RP9: variants seen among roughly 807,000 people sequenced by gnomAD.
RP9 encodes retinitis pigmentosa 9 protein.
RP9 carries 23 observed loss-of-function variants against 32.6 expected under a neutral mutation model. That is an observed-to-expected ratio of 0.71 (90% CI 0.51 to 1.00). The LOEUF (loss-of-function observed/expected upper bound fraction) is 1.00, where lower values mean the gene tolerates loss of function less well. RP9 is among the 50% of genes least tolerant of loss of function. The pLI is 0.00. For missense variants in RP9, 245 were observed against 285.3 expected, an observed-to-expected ratio of 0.86 and a Z score of 1.02; for synonymous variants, 94 against 103.6, an observed-to-expected ratio of 0.91 and a Z score of 0.56.
At position 33,095,354 on chromosome 7, in the gene RP9, T is replaced by C; in HGVS notation, c.546A>G (p.Lys182=). ...DRSSSSSSEG[K]EKHKKKKKKE... ...TCTTCTTCTTTTTCTTGTGTTTCTC[T>C]TTACCTTCAGAGGAACTGGAGCTGC... The change falls in exon 6 of 6, where the codon AAA becomes AAG. Residue 182 remains lysine (K), a synonymous_variant. Transcript: ENST00000297157. 6.2e-7 allele frequency: 1 copy of C among 1,613,800 alleles called. No homozygotes were observed. The highest frequency in any genetic ancestry group is 1.1e-5 in the South Asian group (1 of 90,990).
intron 4 of RP9, among the ~76,000 whole-genome samples, chr7:33,096,902 GTTTAAAGACATGTACTC>G (rs1788344809): frequency 6.6e-6 from 1 of 152,056 alleles, no homozygotes; most frequent in Non-Finnish European, 1.5e-5. Flanking sequence ...TAATCTTACA[GTTTAAAGACATGTACTC>G]TTTAAAGACC....
chr7:33,109,214 G>T lies in RP9; in HGVS notation c.152+7C>A. On this transcript the variant is annotated splice_region_variant and intron_variant, in intron 1 of 5. Coordinates refer to ENST00000297157, the MANE Select transcript of RP9 (RefSeq NM_203288.2). This position sits in a 1 kb window ranked among gnomAD's most constrained non-coding sequence, Gnocchi z 4.9. Reference sequence around the variant, plus strand: ...TGGCCGCGCGCGGACGGCAGCTCGGGACTCACAAGGACTCCAGGTGCTTGA... The same window carrying T: ...TGGCCGCGCGCGGACGGCAGCTCGGTACTCACAAGGACTCCAGGTGCTTGA... The T allele has an allele frequency of 1.3e-6, 2 of 1,494,406 alleles. No individual in the cohort carries two copies. Among genetic ancestry groups the T allele is most frequent in the South Asian group, 2.5e-5 (2 of 80,264 alleles). The allele number at this position is 1,494,406 out of a possible 1,614,324, so 92.6% of individuals were successfully genotyped here.
At chr7:33,102,606 C>A (rs941107862) in intron 1 of RP9, among the ~76,000 whole-genome samples, 1 of 152,268 alleles carries the variant, frequency 6.6e-6, no homozygotes, top group African/African-American at 2.4e-5. Flanking sequence ...ATGTCTGAGA[C>A]ACGCTGTCTT....
chr7:33,109,138 C>T lies in RP9; in HGVS notation c.152+83G>A. 1 of 1,446,370 alleles carries T rather than the reference C, an allele frequency of 6.9e-7. No homozygotes were observed. Among genetic ancestry groups the T allele is most frequent in the South Asian group, 1.3e-5 (1 of 77,416 alleles). The allele number at this position is 1,446,370 out of a possible 1,614,324, so 89.6% of individuals were successfully genotyped here. A position where few individuals can be genotyped will look rare whatever the true frequency, so the allele number is the denominator to read the frequency against. ...GCTCGCGGGGGCTCGGAGGACCCGG[C>T]CTAGCGCCCACCGCGGCGTCCCGCG... On this transcript the variant is annotated intron_variant, in intron 1 of 5. Coordinates refer to ENST00000297157, the MANE Select transcript of RP9 (RefSeq NM_203288.2). This position sits in a 1 kb window ranked among gnomAD's most constrained non-coding sequence, Gnocchi z 4.9.
chr7:33,098,391 C>T (rs1788373749), intron 3 of RP9, among the ~76,000 whole-genome samples: 2 of 152,102 alleles, frequency 1.3e-5, no homozygotes, highest in South Asian at 4.1e-4. Flanking sequence ...TTTCCTGACC[C>T]TGGTAGAAGG....
intron 2 of RP9, chr7:33,100,029 A>G (rs1321405174): frequency 5.8e-6 from 1 of 173,576 alleles, no homozygotes; most frequent in African/African-American, 2.4e-5. Flanking sequence ...TGAAACAGCA[A>G]GTTTTCTTGG....
chr7:33,102,850 G>C lies in RP9; in HGVS notation c.153-2289C>G, dbSNP rs575829520. Among the ~76,000 whole-genome samples, 231 of 152,346 alleles carry C rather than the reference G, an allele frequency of 1.5e-3. 1 individual carries two copies. The highest frequency in any genetic ancestry group is 4.7e-3 in the African/African-American group (196 of 41,586). ...AGCCCAGGAGCTATTAAGTGACAGA[G>C]AGTGTTGGAGCAGGTGGAAGCCTCG... On this transcript the variant is annotated intron_variant, in intron 1 of 5. Transcript: ENST00000297157.
intron 1 of RP9, among the ~76,000 whole-genome samples, chr7:33,104,876 C>T (rs1189940664): frequency 1.3e-5 from 2 of 152,146 alleles, no homozygotes; most frequent in Admixed American, 6.5e-5. Context: ...CCAGCATGCC[C>T]AGCCCCAAAA....
In RP9 at chr7:33,095,156, G is replaced by C; in HGVS notation, c.*78C>G. The C allele has an allele frequency of 6.3e-7, 1 of 1,581,972 alleles. No homozygotes were observed. The highest frequency in any genetic ancestry group is 2.2e-5 in the East Asian group (1 of 44,598). ...ACTCCTCTCTCGGCGTCTCTATCCT[G>C]CTGCTTTCTCTGACTGCATCTTCCT... On this transcript the variant is annotated 3_prime_UTR_variant, in exon 6 of 6. Transcript: ENST00000297157.
chr7:33,102,817 T>C (rs1241110244), intron 1 of RP9, among the ~76,000 whole-genome samples: 2 of 152,206 alleles, frequency 1.3e-5, no homozygotes, highest in Admixed American at 6.5e-5. Flanking sequence ...CACTCTGTTA[T>C]GCCTGGCAGC....
Position 33,096,482 on chromosome 7 carries a change from G to A in RP9, c.467+11C>T, listed in dbSNP as rs1439499616. ...TTTAAGGGGATATTGTTATCATCAGGACGACCTCACCTTACGTCCTTTTCA... is the reference window on the plus strand; with the variant it reads ...TTTAAGGGGATATTGTTATCATCAGAACGACCTCACCTTACGTCCTTTTCA... On this transcript the variant is annotated intron_variant, in intron 5 of 5. Coordinates refer to ENST00000297157, the MANE Select transcript of RP9 (RefSeq NM_203288.2). 1.3e-6 allele frequency: 2 copies of A among 1,596,482 alleles called. No homozygotes were observed. The highest frequency in any genetic ancestry group is 1.7e-6 in the Non-Finnish European group (2 of 1,164,014).
At chr7:33,099,156 G>A (rs1024406577) in intron 3 of RP9, 151 bp downstream of exon 3, 26 of 852,408 alleles carry the variant, frequency 3.1e-5, no homozygotes, top group Non-Finnish European at 4.7e-5. Flanking sequence ...GTGGTGGGGG[G>A]TGGGGTGGAT....
intron 1 of RP9, among the ~76,000 whole-genome samples, chr7:33,101,477 C>T (rs1408942438): frequency 2.6e-5 from 4 of 152,210 alleles, no homozygotes; most frequent in Non-Finnish European, 5.9e-5. Flanking sequence ...TGGCGGGTGC[C>T]TGTAATCCCA....
Position 33,109,353 on chromosome 7 carries a change from C to G in RP9, c.20G>C (p.Arg7Pro). The change falls in exon 1 of 6, where the codon CGC becomes CCC. Residue 7 changes from arginine to proline, a missense_variant. Around this residue, in one of 2 missense-constraint regions of RP9, gnomAD observed 182 missense variants for 175.5 expected, o/e 1.04. Coordinates refer to ENST00000297157, the MANE Select transcript of RP9 (RefSeq NM_203288.2). The surrounding 1 kb of genome is among the most constrained non-coding windows in gnomAD (Gnocchi z 4.9). Reference sequence around the variant, plus strand: ...CGCGCCCGCAGCCCCCACGTCCTCGCGCCCAGGCCGGGACGACATGTCAGC... The same window carrying G: ...CGCGCCCGCAGCCCCCACGTCCTCGGGCCCAGGCCGGGACGACATGTCAGC... Reference protein sequence around the residue: MSSRPGREDVGAAGARR... With the variant: MSSRPGPEDVGAAGARR... The G allele has an allele frequency of 2.1e-6, 3 of 1,432,502 alleles. No individual in the cohort carries two copies. Among genetic ancestry groups the G allele is most frequent in the South Asian group, 1.3e-5 (1 of 74,640 alleles). The allele number at this position is 1,432,502 out of a possible 1,614,324, so 88.7% of individuals were successfully genotyped here.
intron 3 of RP9, 43 bp from the exon 4 acceptor site, chr7:33,097,405 A>C: frequency 7.3e-7 from 1 of 1,373,160 alleles, no homozygotes; most frequent in Middle Eastern, 1.8e-4. Context: ...TAACAGTTTC[A>C]CCTACTCAAG....
At chr7:33,099,192 C>T (rs1015498459) in intron 3 of RP9, 115 bp downstream of exon 3, 31 of 1,216,632 alleles carry the variant, frequency 2.5e-5, no homozygotes, top group Admixed American at 1.0e-4. Flanking sequence ...AGATGGAGAA[C>T]GTGCCTTGGC....
chr7:33,097,185 CCATT>C, intron 4 of RP9, 82 bp downstream of exon 4: 3 of 975,370 alleles, frequency 3.1e-6, no homozygotes, highest in Non-Finnish European at 5.0e-6. Flanking sequence ...TTTTATGTGA[CCATT>C]CAAGTTCACT....
At position 33,102,504 on chromosome 7, in the gene RP9, T is replaced by A. The variant is rs550273602; in HGVS notation, c.153-1943A>T. 2.0e-5 allele frequency among the ~76,000 whole-genome samples: 3 copies of A among 152,260 alleles called. No individual in the cohort carries two copies. The South Asian group carries it at 6.2e-4, about 32-fold the overall frequency. On this transcript the variant is annotated intron_variant, in intron 1 of 5. Coordinates refer to ENST00000297157, the MANE Select transcript of RP9 (RefSeq NM_203288.2). The stretch of plus-strand genomic sequence containing the variant: ...AGTTAATTCTCAAGATAAAAAAAAG[T>A]TGATTGAGATGCATTATTTTGTGCC...
At chr7:33,107,463 C>T (rs1295848406) in intron 1 of RP9, among the ~76,000 whole-genome samples, 1 of 152,186 alleles carries the variant, frequency 6.6e-6, no homozygotes, top group Admixed American at 6.5e-5. Context: ...CAGGGCCAGG[C>T]ATTCTGATGC....
Sources: gnomAD v4.1 joint callset for allele counts (sites outside exome capture counted in the v4.1 genomes callset) on GRCh38, gnomAD v4.1.1 for gene constraint, gnomAD v4.1.1 regional missense constraint, Gnocchi (gnomAD v3.1) non-coding constraint, MANE v1.5 for transcripts, NCBI Gene and HGNC (gene_info 2026-07-23, HGNC 2026-07-21) for gene names.